Variants in WDR70 observed in about 807,000 individuals in gnomAD.
WDR70 encodes WD repeat-containing protein 70.
In WDR70, 53 loss-of-function variants were observed where a neutral mutation model predicts 88.6. The ratio of observed to expected loss-of-function variants is 0.60; its 90% confidence interval spans 0.48 to 0.75. The LOEUF is 0.75. WDR70 is among the 30% of genes least tolerant of loss of function. WDR70 has a pLI of 0.00. For missense variants in WDR70, 610 were observed against 823.2 expected (o/e 0.74, Z 3.17); for synonymous variants, 280 against 270.0 (o/e 1.04, Z -0.36).
chr5:37,557,959 T>TTTGACAACTCTTC, intron 9 of WDR70, among the ~76,000 whole-genome samples: 1 of 146,504 alleles, frequency 6.8e-6, no homozygotes, highest in Non-Finnish European at 1.5e-5. Flanking sequence ...AAAAGAGTAT[T>TTTGACAACTCTTC]ATGTATATTT....
intron 9 of WDR70, among the ~76,000 whole-genome samples, chr5:37,578,541 T>C (rs1743122130): frequency 6.6e-6 from 1 of 152,236 alleles, no homozygotes. Context: ...TTCTTGGCTG[T>C]GTACCTAGTG....
chr5:37,507,888 G>T (rs1051242674), intron 8 of WDR70, among the ~76,000 whole-genome samples: 1 of 151,874 alleles, frequency 6.6e-6, no homozygotes, highest in African/African-American at 2.4e-5. Flanking sequence ...GAGTCCTTGG[G>T]ATTTTCTACA....
chr5:37,583,385 C>T (rs1348124618), intron 9 of WDR70, among the ~76,000 whole-genome samples: 23 of 149,144 alleles, frequency 1.5e-4, no homozygotes, highest in Admixed American at 1.3e-3. Context: ...GGCGCCACTG[C>T]ACTCCAGCCT....
chr5:37,467,494 C>T (rs1415380644), intron 7 of WDR70, among the ~76,000 whole-genome samples: 4 of 151,476 alleles, frequency 2.6e-5, no homozygotes, highest in East Asian at 3.9e-4. Flanking sequence ...GCCACACCTC[C>T]CAATATCCTC....
intron 10 of WDR70, among the ~76,000 whole-genome samples, chr5:37,624,327 C>G (rs1744605583): frequency 6.6e-6 from 1 of 152,140 alleles, no homozygotes; most frequent in South Asian, 2.1e-4. Flanking sequence ...CAGCTTATTT[C>G]ACTTACCTTC....
At chr5:37,399,026 C>G (rs1749115915) in intron 5 of WDR70, among the ~76,000 whole-genome samples, 1 of 152,174 alleles carries the variant, frequency 6.6e-6, no homozygotes, top group East Asian at 1.9e-4. Flanking sequence ...CGCCTGTAAT[C>G]CCAGCACTTT....
At chr5:37,741,638 G>A (rs1266225926) in intron 17 of WDR70, among the ~76,000 whole-genome samples, 1 of 152,134 alleles carries the variant, frequency 6.6e-6, no homozygotes, top group East Asian at 1.9e-4. Flanking sequence ...CTTACAGGAG[G>A]TGGAGCTCAG....
chr5:37,506,895 C>G, intron 8 of WDR70: 2 of 1,029,062 alleles, frequency 1.9e-6, no homozygotes, highest in Non-Finnish European at 3.1e-6. Context: ...GAGCCACCAC[C>G]CTCCCACTTG....
At chr5:37,481,077 G>A (rs1739650411) in intron 8 of WDR70, among the ~76,000 whole-genome samples, 1 of 152,206 alleles carries the variant, frequency 6.6e-6, no homozygotes, top group Non-Finnish European at 1.5e-5. Flanking sequence ...TGCAAGAAGT[G>A]GGTTCCCAGG....
intron 16 of WDR70, among the ~76,000 whole-genome samples, chr5:37,726,044 G>C (rs1043804836): frequency 3.9e-5 from 6 of 151,908 alleles, no homozygotes; most frequent in African/African-American, 1.5e-4. Flanking sequence ...CTGCATTTTT[G>C]TACTTAACCC....
chr5:37,632,925 C>CA (rs1744857996), intron 10 of WDR70, among the ~76,000 whole-genome samples: 1 of 152,054 alleles, frequency 6.6e-6, no homozygotes, highest in Non-Finnish European at 1.5e-5. Context: ...ACAGGGATAC[C>CA]ATTTTTTACT....
At chr5:37,714,143 C>T (rs949350184) in intron 13 of WDR70, among the ~76,000 whole-genome samples, 4 of 152,098 alleles carry the variant, frequency 2.6e-5, no homozygotes, top group Admixed American at 6.5e-5. Flanking sequence ...CTGCGTAGTT[C>T]GTCTATACAG....
At chr5:37,621,231 C>A (rs1744496885) in intron 10 of WDR70, among the ~76,000 whole-genome samples, 1 of 151,978 alleles carries the variant, frequency 6.6e-6, no homozygotes, top group South Asian at 2.1e-4. Context: ...TTTTATAATT[C>A]TTGTCATATG....
At chr5:37,522,867 G>A (rs1019495431) in intron 9 of WDR70, among the ~76,000 whole-genome samples, 9 of 152,224 alleles carry the variant, frequency 5.9e-5, no homozygotes, top group African/African-American at 1.4e-4. Flanking sequence ...CTGTGCCCAC[G>A]GAGCCTCGCT....
chr5:37,381,636 G>A lies in WDR70; in HGVS notation c.126G>A (p.Met42Ile). 2.5e-6 allele frequency: 4 copies of A among 1,612,218 alleles called. No homozygotes were observed. Among genetic ancestry groups the A allele is most frequent in the Non-Finnish European group, 3.4e-6 (4 of 1,178,638 alleles). The change falls in exon 3 of 18, where the codon ATG becomes ATA. Residue 42 changes from methionine to isoleucine, a missense_variant. By Grantham distance (10) the Met-to-Ile change is conservative (BLOSUM62 1). This residue lies in a region of WDR70 where 203 missense variants were observed against 228.1 expected (regional missense o/e 0.89). Transcript: ENST00000265107. ...KKARTFDLEA[M>I]FEQTRRTAVE... ...CTCGCACATTTGACTTGGAAGCAAT[G>A]TTTGAACAAACTCGAAGGACAGCTG...
chr5:37,701,175 TAGA>T (rs1227203459), intron 12 of WDR70, 33 bp downstream of exon 12: 1 of 1,350,554 alleles, frequency 7.4e-7, no homozygotes, highest in African/African-American at 1.4e-5. Context: ...TTGATCAGCA[TAGA>T]AGAATGGAAA....
intron 3 of WDR70, among the ~76,000 whole-genome samples, chr5:37,383,134 G>A (rs373969630): frequency 2.0e-5 from 3 of 151,928 alleles, no homozygotes; most frequent in African/African-American, 4.8e-5. Flanking sequence ...AAAATAAAAC[G>A]TTGTACAGCA....
chr5:37,499,473 T>C (rs1430906781), intron 8 of WDR70, among the ~76,000 whole-genome samples: 1 of 151,936 alleles, frequency 6.6e-6, no homozygotes, highest in Non-Finnish European at 1.5e-5. Context: ...TTTTTTCTGC[T>C]CAGATTGGGG....
chr5:37,535,526 C>G (rs1159283354), intron 9 of WDR70, among the ~76,000 whole-genome samples: 1 of 152,082 alleles, frequency 6.6e-6, no homozygotes, highest in African/African-American at 2.4e-5. Flanking sequence ...TAAATCTGTA[C>G]TGTATTTTTA....
Sources: gnomAD v4.1 joint callset for allele counts (sites outside exome capture counted in the v4.1 genomes callset) on GRCh38, gnomAD v4.1.1 for gene constraint, gnomAD v4.1.1 regional missense constraint, MANE v1.5 for transcripts, NCBI Gene and HGNC (gene_info 2026-07-23, HGNC 2026-07-21) for gene names.